CCDC191: variants seen among roughly 807,000 people sequenced by gnomAD.
CCDC191 encodes coiled-coil domain-containing protein 191.
In CCDC191, 99 loss-of-function variants were observed where a neutral mutation model predicts 114.0. That is an observed-to-expected ratio of 0.87 (90% CI 0.74 to 1.03). CCDC191 has a LOEUF of 1.03. Ranked by LOEUF, CCDC191 falls within the 50% of genes least tolerant of loss-of-function variation. The pLI, the probability that CCDC191 is intolerant of heterozygous loss-of-function variation, is 0.00. For synonymous variants in CCDC191, 351 were observed against 376.0 expected (o/e 0.93, Z 0.77); for missense variants, 973 against 1,087.0 (o/e 0.90, Z 1.47).
At chr3:114,038,121 A>G (rs1379311285) in intron 4 of CCDC191, among the ~76,000 whole-genome samples, 1 of 152,168 alleles carries the variant, frequency 6.6e-6, no homozygotes. Context: ...AATACTCAGT[A>G]TGGTCAGTCT....
chr3:114,004,934 T>C (rs2075923252), intron 10 of CCDC191, among the ~76,000 whole-genome samples, 188 bp from the exon 11 acceptor site: 1 of 152,192 alleles, frequency 6.6e-6, no homozygotes, highest in African/African-American at 2.4e-5. Context: ...GGCATGAGTC[T>C]ACACAGTGAG....
chr3:113,965,397 A>G (rs749865048), intron 16 of CCDC191, 38 bp from the exon 17 acceptor site: 2 of 1,394,846 alleles, frequency 1.4e-6, no homozygotes, highest in South Asian at 1.4e-5. Context: ...AAATGTTGAG[A>G]AAAAGTTGGC....
chr3:113,993,397 C>T (rs2075632359), intron 13 of CCDC191, among the ~76,000 whole-genome samples: 3 of 152,090 alleles, frequency 2.0e-5, no homozygotes. Flanking sequence ...AAGGAATAGA[C>T]ATAAAGTAAC....
chr3:114,003,753 T>C (rs1014775096), intron 11 of CCDC191: 2 of 985,454 alleles, frequency 2.0e-6, no homozygotes, highest in African/African-American at 3.5e-5. Flanking sequence ...TAATAGGAAT[T>C]GACTGCAGGC....
chr3:113,983,159 C>A (rs979552689), intron 13 of CCDC191, among the ~76,000 whole-genome samples: 1 of 152,132 alleles, frequency 6.6e-6, no homozygotes, highest in African/African-American at 2.4e-5. Flanking sequence ...CAGCCAAATT[C>A]ACCACTCCCA....
chr3:114,055,009 A>C (rs904021173), intron 1 of CCDC191, among the ~76,000 whole-genome samples: 5 of 150,728 alleles, frequency 3.3e-5, no homozygotes, highest in African/African-American at 1.2e-4. Context: ...TCTTTAAAAT[A>C]ATAATAATAA....
intron 13 of CCDC191, among the ~76,000 whole-genome samples, chr3:113,985,975 C>G (rs6783334): frequency 0.5 from 75,663 of 151,946 alleles, 18,976 homozygotes; most frequent in Middle Eastern, 0.6. Flanking sequence ...AAAAGATGAG[C>G]CAATCATCAG....
chr3:113,993,207 GGA>G (rs1214391655), intron 13 of CCDC191, among the ~76,000 whole-genome samples: 1 of 152,150 alleles, frequency 6.6e-6, no homozygotes, highest in Non-Finnish European at 1.5e-5. Context: ...TGAGGCAGGA[GGA>G]TCACTTGAGC....
At chr3:114,026,593 G>A (rs1020262996) in intron 7 of CCDC191, among the ~76,000 whole-genome samples, 1 of 152,182 alleles carries the variant, frequency 6.6e-6, no homozygotes, top group Non-Finnish European at 1.5e-5. Context: ...TCAGTGGTGT[G>A]TAGGCAGTCT....
chr3:113,980,803 A>AT lies in CCDC191; in HGVS notation c.2164-11dup. On this transcript the variant is annotated splice_polypyrimidine_tract_variant and intron_variant, in intron 13 of 16. Coordinates refer to ENST00000295878, the MANE Select transcript of CCDC191 (RefSeq NM_020817.2). Reference sequence around the variant, plus strand: ...GCTTCTCAAGTTCTTTCTGGAAAAGATTAAAAAGCAAAATGCTATGATCAA... The same window carrying AT: ...GCTTCTCAAGTTCTTTCTGGAAAAGATTTAAAAAGCAAAATGCTATGATCAA... 6.3e-7 allele frequency: 1 copy of AT among 1,592,852 alleles called. No individual in the cohort carries two copies. The highest frequency in any genetic ancestry group is 1.2e-5 in the South Asian group (1 of 85,770).
chr3:113,971,397 A>G (rs1940809160), intron 16 of CCDC191, among the ~76,000 whole-genome samples: 1 of 152,182 alleles, frequency 6.6e-6, no homozygotes, highest in African/African-American at 2.4e-5. Flanking sequence ...CAGATGTTGA[A>G]TTTTATTGAA....
rs111999091 is a variant in CCDC191, at chr3:114,052,979, C to T, written c.129+618G>A. 4.4e-3 allele frequency among the ~76,000 whole-genome samples: 673 copies of T among 152,280 alleles called. 1 individual carries two copies. The highest frequency in any genetic ancestry group is 8.0e-3 in the Non-Finnish European group (545 of 68,024). On this transcript the variant is annotated intron_variant, in intron 2 of 16. Coordinates refer to ENST00000295878, the MANE Select transcript of CCDC191 (RefSeq NM_020817.2). ...ACACACCTGAAATGATTTAATGGCA[C>T]TTTCAAATTAAATGGTACTCAGACT...
intron 9 of CCDC191, 133 bp from the exon 10 acceptor site, chr3:114,006,095 C>G (rs1489306464): frequency 1.2e-6 from 1 of 805,834 alleles, no homozygotes; most frequent in Non-Finnish European, 2.1e-6. Flanking sequence ...GGTCTGTGCT[C>G]CTGGCCTGGC....
intron 7 of CCDC191, among the ~76,000 whole-genome samples, chr3:114,024,905 G>A (rs1214957289): frequency 6.6e-6 from 1 of 152,190 alleles, no homozygotes; most frequent in Non-Finnish European, 1.5e-5. Flanking sequence ...AGGAAGTGCA[G>A]TATTGAATTC....
intron 7 of CCDC191, among the ~76,000 whole-genome samples, chr3:114,027,632 A>G (rs911681732): frequency 6.6e-6 from 1 of 150,558 alleles, no homozygotes; most frequent in South Asian, 2.1e-4. Context: ...AGAAAAAAAA[A>G]TCCAGAATTA....
intron 11 of CCDC191, chr3:114,004,266 T>C: frequency 1.0e-6 from 1 of 989,462 alleles, no homozygotes; most frequent in Non-Finnish European, 1.2e-6. Flanking sequence ...ATTAACAAAG[T>C]ACAATGACAG....
At chr3:113,976,270 A>C (rs536813372) in intron 16 of CCDC191, among the ~76,000 whole-genome samples, 31 of 152,214 alleles carry the variant, frequency 2.0e-4, no homozygotes, top group Admixed American at 4.6e-4. Flanking sequence ...GGGTAAAAAA[A>C]AAAACAAAAC....
intron 7 of CCDC191, among the ~76,000 whole-genome samples, chr3:114,020,709 G>C (rs2076231195): frequency 6.6e-6 from 1 of 152,084 alleles, no homozygotes; most frequent in Non-Finnish European, 1.5e-5. Flanking sequence ...AATGTTCTGT[G>C]TCTGTTTACC....
At chr3:113,978,131 T>A (rs2074998695) in intron 16 of CCDC191, 55 bp downstream of exon 16, 1 of 1,594,338 alleles carries the variant, frequency 6.3e-7, no homozygotes, top group Non-Finnish European at 8.6e-7. Flanking sequence ...GCAGAATATA[T>A]TGCTGAGCAA....
Sources: allele counts gnomAD v4.1 joint callset (sites outside exome capture counted in the v4.1 genomes callset), GRCh38; gene constraint gnomAD v4.1.1; transcripts MANE v1.5; gene names NCBI Gene and HGNC (gene_info 2026-07-23, HGNC 2026-07-21).